CNTNAP3B: variants seen among roughly 807,000 people sequenced by gnomAD.
CNTNAP3B encodes contactin associated protein family member 3B.
In CNTNAP3B, 25 loss-of-function variants were observed where a neutral mutation model predicts 108.9. The ratio of observed to expected loss-of-function variants is 0.23; its 90% CI spans 0.17 to 0.32. The LOEUF (loss-of-function observed/expected upper bound fraction) is 0.32, where lower values mean the gene tolerates loss of function less well. CNTNAP3B is among the 10% of genes least tolerant of loss of function. CNTNAP3B has a pLI of 1.00. For synonymous variants in CNTNAP3B, 103 were observed against 473.4 expected, an observed-to-expected ratio of 0.22 and a Z score of 10.16; for missense variants, 252 against 1,210.4, an observed-to-expected ratio of 0.21 and a Z score of 11.75.
intron 1 of CNTNAP3B, among the ~76,000 whole-genome samples, chr9:42,115,903 G>A (rs1247065639): frequency 7.9e-6 from 1 of 127,146 alleles, no homozygotes; most frequent in Non-Finnish European, 1.6e-5. Flanking sequence ...TCAGATGATC[G>A]GTAATAACAA....
chr9:41,965,298 C>T (rs1825235723), intron 10 of CNTNAP3B, among the ~76,000 whole-genome samples: 1 of 152,200 alleles, frequency 6.6e-6, no homozygotes, highest in African/African-American at 2.4e-5. Context: ...TCAAGGGACC[C>T]TGAACCAGCC....
chr9:41,935,270 G>T (rs1361312587), intron 14 of CNTNAP3B, among the ~76,000 whole-genome samples: 20 of 152,118 alleles, frequency 1.3e-4, no homozygotes, highest in Non-Finnish European at 2.4e-4. Flanking sequence ...ACGAGTTGCT[G>T]ATTACAGGGA....
intron 12 of CNTNAP3B, among the ~76,000 whole-genome samples, chr9:41,956,382 T>C (rs1228691850): frequency 6.6e-6 from 1 of 152,168 alleles, no homozygotes; most frequent in Non-Finnish European, 1.5e-5. Flanking sequence ...CAAGCCTCTG[T>C]CTCAAAATAA....
chr9:42,110,075 G>C (rs1433481073), intron 1 of CNTNAP3B, among the ~76,000 whole-genome samples: 1 of 136,282 alleles, frequency 7.3e-6, no homozygotes, highest in African/African-American at 2.9e-5. Flanking sequence ...CTGGTCTCCA[G>C]ACTATGACAG....
In CNTNAP3B at chr9:42,112,246, G is replaced by T. The variant is rs532632980; in HGVS notation, c.86-7507C>A. Among the ~76,000 whole-genome samples the T allele has an allele frequency of 2.9e-5, 4 of 139,684 alleles. 1 individual carries two copies. Among genetic ancestry groups the T allele is most frequent in the Non-Finnish European group, 4.6e-5 (3 of 65,062 alleles). The allele number at this position is 139,684 out of a possible 152,430, so 91.6% of individuals were successfully genotyped here. A position where few individuals can be genotyped will look rare whatever the true frequency, so the allele number is the denominator to read the frequency against. On this transcript the variant is annotated intron_variant, in intron 1 of 23. Coordinates refer to ENST00000377561, the MANE Select transcript of CNTNAP3B (RefSeq NM_001201380.3). ...ATCTTCAGGGCTCAACTCAAGTTTTGTCTCTGCTCTGAAGTCTTCTCACAT... is the reference window on the plus strand; with the variant it reads ...ATCTTCAGGGCTCAACTCAAGTTTTTTCTCTGCTCTGAAGTCTTCTCACAT...
At chr9:42,078,825 A>G (rs1827548025) in intron 2 of CNTNAP3B, among the ~76,000 whole-genome samples, 1 of 150,352 alleles carries the variant, frequency 6.7e-6, no homozygotes, top group African/African-American at 2.5e-5. Flanking sequence ...AGTAGGAACT[A>G]CTTCCACAGT....
intron 13 of CNTNAP3B, among the ~76,000 whole-genome samples, chr9:41,952,082 G>A (rs1200166318): frequency 6.6e-6 from 1 of 152,274 alleles, no homozygotes; most frequent in Non-Finnish European, 1.5e-5. Flanking sequence ...TCCAGGCAGA[G>A]GAAATGGTCT....
intron 12 of CNTNAP3B, among the ~76,000 whole-genome samples, chr9:41,959,660 A>G (rs1437406576): frequency 6.6e-6 from 1 of 152,312 alleles, no homozygotes; most frequent in Non-Finnish European, 1.5e-5. Flanking sequence ...TATCTTCAGC[A>G]CATTGCTGTG....
At chr9:41,954,279 T>A (rs543476859) in intron 12 of CNTNAP3B, among the ~76,000 whole-genome samples, 1 of 152,412 alleles carries the variant, frequency 6.6e-6, no homozygotes, top group East Asian at 1.9e-4. Context: ...GTGATACATT[T>A]TACCTTGAGA....
chr9:41,926,746 C>T (rs1227119925), intron 15 of CNTNAP3B: 1 of 152,350 alleles, frequency 6.6e-6, no homozygotes, highest in Non-Finnish European at 1.5e-5. Flanking sequence ...TCAAATATCA[C>T]ACTTTCTCTT....
Position 42,121,381 on chromosome 9 carries a change from C to T in CNTNAP3B, c.85+7629G>A, listed in dbSNP as rs952016868. 2.2e-5 allele frequency among the ~76,000 whole-genome samples: 3 copies of T among 139,154 alleles called. 1 individual carries two copies. Among genetic ancestry groups the T allele is most frequent in the African/African-American group, 8.6e-5 (3 of 35,032 alleles). The allele number at this position is 139,154 out of a possible 152,430, so 91.3% of individuals were successfully genotyped here. On this transcript the variant is annotated intron_variant, in intron 1 of 23. Coordinates refer to ENST00000377561, the MANE Select transcript of CNTNAP3B (RefSeq NM_001201380.3). ...TCACAGGCTCAGCTTTCTAAGAAAACTCTGGCTGGGACAGTGGACTTTCCA... is the reference window on the plus strand; with the variant it reads ...TCACAGGCTCAGCTTTCTAAGAAAATTCTGGCTGGGACAGTGGACTTTCCA...
rs1216529080 is a variant in CNTNAP3B at position 41,977,896 on chromosome 9, G to T, written c.1478-7651C>A. Among the ~76,000 whole-genome samples the T allele has an allele frequency of 3.5e-5, 5 of 142,580 alleles. No individual in the cohort carries two copies. The East Asian group carries it at 1.0e-3, about 30-fold the overall frequency. The allele number at this position is 142,580 out of a possible 152,430, so 93.5% of individuals were successfully genotyped here. A position where few individuals can be genotyped will look rare whatever the true frequency, so the allele number is the denominator to read the frequency against. On this transcript the variant is annotated intron_variant, in intron 9 of 23. Coordinates refer to ENST00000377561, the MANE Select transcript of CNTNAP3B (RefSeq NM_001201380.3). ...TCCACCTGCCTAGGCCTCCCAAAGT[G>T]CTGGGATTACAGGCGTGAGCCACTG...
intron 1 of CNTNAP3B, among the ~76,000 whole-genome samples, chr9:42,123,628 C>T (rs1828508529): frequency 7.5e-6 from 1 of 133,662 alleles, no homozygotes. Flanking sequence ...GCTACCAAGT[C>T]CAAGCCTTCT....
intron 14 of CNTNAP3B, among the ~76,000 whole-genome samples, chr9:41,934,108 TATATATATATATATACAC>T (rs1184165616): frequency 7.8e-6 from 1 of 127,550 alleles, no homozygotes; most frequent in African/African-American, 3.1e-5. Context: ...TACATATATA[TATATATATATATATACAC>T]ACACATATAT....
chr9:41,958,960 T>C (rs62557291), intron 12 of CNTNAP3B, among the ~76,000 whole-genome samples: 113,420 of 133,334 alleles, frequency 0.85, 49,434 homozygotes, highest in Admixed American at 0.87. Context: ...GAGTTTTTAA[T>C]TCTCAGATGT....
intron 13 of CNTNAP3B, among the ~76,000 whole-genome samples, chr9:41,952,908 A>G (rs1485598554): frequency 6.6e-6 from 1 of 151,914 alleles, no homozygotes; most frequent in Non-Finnish European, 1.5e-5. Flanking sequence ...ACGGAAAGCT[A>G]AGGCATAAGT....
chr9:41,913,428 T>A (rs1823451941), intron 18 of CNTNAP3B, among the ~76,000 whole-genome samples: 1 of 152,012 alleles, frequency 6.6e-6, no homozygotes, highest in East Asian at 1.9e-4. Context: ...TTCTTTTCAC[T>A]TTCCTTCTGA....
At chr9:42,118,427 T>A (rs1235529371) in intron 1 of CNTNAP3B, among the ~76,000 whole-genome samples, 1 of 138,384 alleles carries the variant, frequency 7.2e-6, no homozygotes, top group African/African-American at 2.9e-5. Flanking sequence ...GACAAAAACC[T>A]CATGATTATC....
intron 15 of CNTNAP3B, among the ~76,000 whole-genome samples, chr9:41,928,241 T>G (rs1221750260): frequency 6.6e-6 from 1 of 152,242 alleles, no homozygotes; most frequent in African/African-American, 2.4e-5. Context: ...ACTTTATTGC[T>G]CACAGCACAG....
Sources: allele counts gnomAD v4.1 joint callset (sites outside exome capture counted in the v4.1 genomes callset), GRCh38; gene constraint gnomAD v4.1.1; transcripts MANE v1.5; gene names NCBI Gene and HGNC (gene_info 2026-07-23, HGNC 2026-07-21).